LAMA3: variants seen among roughly 807,000 people sequenced by gnomAD.
The protein encoded by LAMA3 is laminin subunit alpha 3, also known as laminin subunit alpha-3.
Under a neutral mutation model 402.0 loss-of-function variants are expected in LAMA3, and 281 were observed. The observed-to-expected ratio is 0.70, with a 90% CI of 0.63 to 0.77. LAMA3 has a LOEUF of 0.77. Ranked by LOEUF, LAMA3 falls within the 30% of genes least tolerant of loss-of-function variation. The pLI is 0.00. For synonymous variants in LAMA3, 1,431 were observed against 1,558.4 expected (o/e 0.92, Z 1.93); for missense variants, 3,840 against 4,215.5 (o/e 0.91, Z 2.47).
chr18:23,773,456 C>A, intron 8 of LAMA3, 41 bp from the exon 9 acceptor site: 1 of 1,256,986 alleles, frequency 8.0e-7, no homozygotes, highest in Non-Finnish European at 1.1e-6. Context: ...GAATCGTCTT[C>A]CCCAGAACCC....
chr18:23,819,732 A>G (rs1453753376), intron 18 of LAMA3, 109 bp from the exon 19 acceptor site: 1 of 938,464 alleles, frequency 1.1e-6, no homozygotes, highest in East Asian at 2.4e-5. Flanking sequence ...TATTTAATGT[A>G]CTCTGTCAAT....
chr18:23,817,979 C>T (rs1226064608), intron 18 of LAMA3, among the ~76,000 whole-genome samples: 3 of 152,078 alleles, frequency 2.0e-5, no homozygotes, highest in African/African-American at 7.2e-5. Context: ...CATGGTGATA[C>T]ACTGTCTCTA....
chr18:23,856,706 G>A (rs944360550), intron 32 of LAMA3, among the ~76,000 whole-genome samples: 3 of 152,092 alleles, frequency 2.0e-5, no homozygotes, highest in African/African-American at 7.2e-5. Context: ...CTGAGCTCTG[G>A]CCCTTGCAGG....
At chr18:23,858,195 G>A (rs1007047707) in intron 33 of LAMA3, among the ~76,000 whole-genome samples, 3 of 152,170 alleles carry the variant, frequency 2.0e-5, no homozygotes, top group East Asian at 1.9e-4. Flanking sequence ...GTCTCAGACC[G>A]CCTTAGAATC....
intron 12 of LAMA3, among the ~76,000 whole-genome samples, chr18:23,790,944 A>C (rs2062639760): frequency 6.6e-6 from 1 of 151,038 alleles, no homozygotes; most frequent in African/African-American, 2.4e-5. Context: ...GCTGGAGTGC[A>C]GTGGCGCGAT....
At chr18:23,802,077 C>G (rs1045081184) in intron 12 of LAMA3, among the ~76,000 whole-genome samples, 1 of 152,154 alleles carries the variant, frequency 6.6e-6, no homozygotes, top group African/African-American at 2.4e-5. Context: ...ATACAAAAAT[C>G]CAAAATGCTC....
chr18:23,822,146 C>A, intron 19 of LAMA3, 106 bp from the exon 20 acceptor site: 1 of 1,227,084 alleles, frequency 8.1e-7, no homozygotes, highest in Non-Finnish European at 1.2e-6. Context: ...TATGTGTGTA[C>A]ATTACAAGTC....
chr18:23,931,222 G>A, intron 65 of LAMA3, 21 bp downstream of exon 65: 2 of 1,605,402 alleles, frequency 1.2e-6, no homozygotes, highest in Non-Finnish European at 8.5e-7. Context: ...TAATACTTCT[G>A]TCAGAGCTGT....
intron 39 of LAMA3, among the ~76,000 whole-genome samples, chr18:23,880,644 C>T (rs574265731): frequency 6.6e-6 from 1 of 152,282 alleles, no homozygotes; most frequent in South Asian, 2.1e-4. Context: ...TTTGGGAGGC[C>T]GAGGCGGGCG....
At position 23,837,063 on chromosome 18, in the gene LAMA3, A is replaced by G. The variant is rs1393180512; in HGVS notation, c.3067A>G (p.Lys1023Glu). ...ATTGGCAGATGCAGACATTCAGCTC[A>G]AGGGACACATGGCCCGATTCCTTCT... ...ELLADADIQLKGHMARFLLHQ... is the reference protein window; with the variant it reads ...ELLADADIQLEGHMARFLLHQ... Residue 1023 changes from lysine (K) to glutamate (E), a missense_variant, in exon 25 of 75, where the codon AAG (lysine) becomes GAG (glutamate). Transcript: ENST00000313654. 2 of 1,613,182 alleles carry G rather than the reference A, an allele frequency of 1.2e-6. No homozygotes were observed. The highest frequency in any genetic ancestry group is 1.7e-6 in the Non-Finnish European group (2 of 1,179,262).
intron 12 of LAMA3, among the ~76,000 whole-genome samples, chr18:23,802,707 C>T (rs2062888284): frequency 6.6e-6 from 1 of 152,166 alleles, no homozygotes; most frequent in South Asian, 2.1e-4. Context: ...GAGCAGAAGG[C>T]AGCTGGGATT....
Position 23,715,323 on chromosome 18 carries a change from GA to G in LAMA3, c.447+1262del, listed in dbSNP as rs986097913. On this transcript the variant is annotated intron_variant, in intron 2 of 74. Transcript: ENST00000313654. ...GATTCATGGAAAGAGAGTGTTTCAA[GA>G]AAAAAAAAAAGGAGGGAGAAAATAA... Among the ~76,000 whole-genome samples the G allele has an allele frequency of 2.7e-3, 371 of 137,352 alleles. 1 individual carries two copies. Among genetic ancestry groups the G allele is most frequent in the African/African-American group, 6.9e-3 (259 of 37,570 alleles). 90.1% of individuals were successfully genotyped at this position (137,352 alleles called of 152,430 possible).
chr18:23,911,163 G>C (rs907668502), intron 55 of LAMA3, among the ~76,000 whole-genome samples: 5 of 152,120 alleles, frequency 3.3e-5, no homozygotes, highest in Admixed American at 2.6e-4. Context: ...GCCAGGCAGA[G>C]ACTCAGAGAA....
In LAMA3 at chr18:23,890,643, C is replaced by T. The variant is rs7243219; in HGVS notation, c.5410+526C>T. Among the ~76,000 whole-genome samples, 430 of 152,210 alleles carry T rather than the reference C, an allele frequency of 2.8e-3. 4 individuals are homozygous for T. Among genetic ancestry groups the T allele is most frequent in the African/African-American group, 9.9e-3 (413 of 41,540 alleles). ...ACTTGGAACAAAAAGGAAGACTATCCTCTTCCTTCTTTGACAGAATATTAA... is the reference window on the plus strand; with the variant it reads ...ACTTGGAACAAAAAGGAAGACTATCTTCTTCCTTCTTTGACAGAATATTAA... On this transcript the variant is annotated intron_variant, in intron 42 of 74. Coordinates refer to ENST00000313654, the MANE Select transcript of LAMA3 (RefSeq NM_198129.4).
Position 23,928,195 on chromosome 18 carries a change from G to A in LAMA3, c.8250G>A (p.Leu2750=), listed in dbSNP as rs753457288. The change falls in exon 63 of 75, where the codon TTG becomes TTA. Residue 2750 remains leucine, a synonymous_variant. Coordinates refer to ENST00000313654, the MANE Select transcript of LAMA3 (RefSeq NM_198129.4). ...NLKKTSGVVR[L]NDTVGVTKKC... is the part of the protein sequence containing the mutation. ...AGAAAACCAGTGGTGTCGTTAGATT[G>A]AATGATACTGTGGGAGTAACCAAAA... The A allele has an allele frequency of 7.4e-6, 12 of 1,613,920 alleles. No homozygotes were observed. The highest frequency in any genetic ancestry group is 4.2e-6 in the Non-Finnish European group (5 of 1,179,776).
chr18:23,816,144 T>C (rs2063171088), intron 17 of LAMA3, among the ~76,000 whole-genome samples: 1 of 152,196 alleles, frequency 6.6e-6, no homozygotes, highest in African/African-American at 2.4e-5. Flanking sequence ...ATTTTAATTT[T>C]GTTTTTGTTT....
At chr18:23,727,186 T>C (rs2061314112) in intron 2 of LAMA3, among the ~76,000 whole-genome samples, 1 of 152,220 alleles carries the variant, frequency 6.6e-6, no homozygotes, top group Non-Finnish European at 1.5e-5. Flanking sequence ...AAGTTGGAAA[T>C]AAAACCTAAA....
chr18:23,894,384 T>C, intron 43 of LAMA3, 36 bp downstream of exon 43: 1 of 1,574,184 alleles, frequency 6.4e-7, no homozygotes, highest in Non-Finnish European at 8.7e-7. Context: ...CCTTTCCAAG[T>C]TGTGGGGTTT....
intron 1 of LAMA3, among the ~76,000 whole-genome samples, chr18:23,696,863 T>C (rs1198237005): frequency 1.3e-5 from 2 of 152,192 alleles, no homozygotes; most frequent in Non-Finnish European, 2.9e-5. Flanking sequence ...TTTCAACCTT[T>C]CCTATACTTG....
Sources: gnomAD v4.1 joint callset for allele counts (sites outside exome capture counted in the v4.1 genomes callset) on GRCh38, gnomAD v4.1.1 for gene constraint, MANE v1.5 for transcripts, NCBI Gene and HGNC (gene_info 2026-07-23, HGNC 2026-07-21) for gene names.